Variants in CFDP1 observed in about 807,000 individuals in gnomAD.
CFDP1 encodes chromatin remodeling protein CFDP1.
A neutral mutation model predicts 40.1 loss-of-function variants in CFDP1; 31 were observed. The ratio of observed to expected loss-of-function variants is 0.77; its 90% CI spans 0.58 to 1.04. CFDP1 has a LOEUF of 1.04. CFDP1 is among the 50% of genes least tolerant of loss of function. The pLI is 0.00. For synonymous variants in CFDP1, 167 were observed against 120.0 expected, an observed-to-expected ratio of 1.39 and a Z score of -2.56; for missense variants, 423 against 343.4, an observed-to-expected ratio of 1.23 and a Z score of -1.83.
At chr16:75,314,332 C>T (rs894619462) in intron 5 of CFDP1, among the ~76,000 whole-genome samples, 17 of 152,060 alleles carry the variant, frequency 1.1e-4, no homozygotes, top group South Asian at 4.2e-4. Flanking sequence ...ATGGATGGAC[C>T]GTGAAAACAT....
At chr16:75,312,072 G>A (rs1290616136) in intron 5 of CFDP1, among the ~76,000 whole-genome samples, 1 of 152,058 alleles carries the variant, frequency 6.6e-6, no homozygotes, top group Admixed American at 6.6e-5. Context: ...CATTTTCTCT[G>A]GAGTTAGCTA....
At chr16:75,390,591 T>C (rs956144952) in intron 5 of CFDP1, among the ~76,000 whole-genome samples, 2 of 152,242 alleles carry the variant, frequency 1.3e-5, no homozygotes, top group African/African-American at 4.8e-5. Context: ...TGAGACCCAC[T>C]GCAATAGTTT....
intron 5 of CFDP1, among the ~76,000 whole-genome samples, chr16:75,313,205 A>G (rs959770812): frequency 1.3e-5 from 2 of 152,252 alleles, no homozygotes; most frequent in African/African-American, 4.8e-5. Flanking sequence ...AGGAAAGTGC[A>G]GATCCTCTTC....
intron 1 of CFDP1, among the ~76,000 whole-genome samples, chr16:75,429,580 G>A (rs929243288): frequency 6.6e-6 from 1 of 152,188 alleles, no homozygotes; most frequent in South Asian, 2.1e-4. Flanking sequence ...TCAAACCCGG[G>A]AGGTGGAGGT....
At chr16:75,366,164 T>G (rs1230405040) in intron 5 of CFDP1, among the ~76,000 whole-genome samples, 1 of 152,204 alleles carries the variant, frequency 6.6e-6, no homozygotes, top group Non-Finnish European at 1.5e-5. Context: ...ATAAGTATAA[T>G]GTGGTATAGC....
At chr16:75,387,695 T>A (rs2078911218) in intron 5 of CFDP1, among the ~76,000 whole-genome samples, 1 of 152,236 alleles carries the variant, frequency 6.6e-6, no homozygotes, top group Non-Finnish European at 1.5e-5. Context: ...AATGTAGGAT[T>A]CATACCTCAG....
chr16:75,367,406 C>T (rs1369662960), intron 5 of CFDP1, among the ~76,000 whole-genome samples: 1 of 138,982 alleles, frequency 7.2e-6, no homozygotes, highest in East Asian at 2.1e-4. Flanking sequence ...CAAACCTGCA[C>T]ATTCTGCACA....
rs1215346926 is a variant in CFDP1 at position 75,410,913 on chromosome 16, A to G, written c.530+912T>C. 1.1e-3 allele frequency among the ~76,000 whole-genome samples: 168 copies of G among 149,154 alleles called. 1 individual carries two copies. Among genetic ancestry groups the G allele is most frequent in the Non-Finnish European group, 2.2e-3 (145 of 67,254 alleles). ...GACAGAGCAAGACTCTGTCTCAAAAAAAAAAAAAAAAAAGAAAAAAAAAGG... is the reference window on the plus strand; with the variant it reads ...GACAGAGCAAGACTCTGTCTCAAAAGAAAAAAAAAAAAAGAAAAAAAAAGG... On this transcript the variant is annotated intron_variant, in intron 4 of 6. Transcript: ENST00000283882.
At chr16:75,337,050 C>A (rs752229234) in intron 5 of CFDP1, among the ~76,000 whole-genome samples, 2 of 152,120 alleles carry the variant, frequency 1.3e-5, no homozygotes, top group Non-Finnish European at 1.5e-5. Flanking sequence ...TTGTTTATGG[C>A]GGTCTCTGCC....
intron 5 of CFDP1, among the ~76,000 whole-genome samples, chr16:75,358,045 C>G (rs9924524): frequency 0.18 from 28,057 of 152,108 alleles, 2,776 homozygotes; most frequent in Middle Eastern, 0.23. Context: ...ACAATATTTA[C>G]CAAATAAGTT....
intron 5 of CFDP1, among the ~76,000 whole-genome samples, chr16:75,393,305 T>C (rs1388287874): frequency 6.6e-6 from 1 of 152,134 alleles, no homozygotes; most frequent in East Asian, 1.9e-4. Context: ...TGGGGCTTCC[T>C]GGAATCACCT....
intron 5 of CFDP1, chr16:75,381,283 G>T (rs2078849758): frequency 6.6e-6 from 1 of 152,052 alleles, no homozygotes; most frequent in South Asian, 2.1e-4. Flanking sequence ...GGGTAACAAA[G>T]TGAGACCCTG....
At chr16:75,305,207 G>GT in intron 5 of CFDP1, 25 bp from the exon 6 acceptor site, 1 of 1,610,742 alleles carries the variant, frequency 6.2e-7, no homozygotes, top group Non-Finnish European at 8.5e-7. Context: ...TATGAAAGAT[G>GT]TAGCAGGTAA....
intron 1 of CFDP1, among the ~76,000 whole-genome samples, chr16:75,425,857 G>A (rs1466905263): frequency 6.6e-6 from 1 of 150,834 alleles, no homozygotes; most frequent in Admixed American, 6.6e-5. Flanking sequence ...CCAACATGGT[G>A]AAACCCCATC....
intron 1 of CFDP1, among the ~76,000 whole-genome samples, chr16:75,426,347 T>C (rs1329638872): frequency 6.6e-6 from 1 of 151,742 alleles, no homozygotes; most frequent in Non-Finnish European, 1.5e-5. Flanking sequence ...CGAAACTCTA[T>C]CTCAAAAAAA....
chr16:75,376,001 C>G (rs2078792339), intron 5 of CFDP1, among the ~76,000 whole-genome samples: 1 of 152,022 alleles, frequency 6.6e-6, no homozygotes, highest in Non-Finnish European at 1.5e-5. Context: ...CTGCTTGAGC[C>G]TAGGAGTTTG....
chr16:75,362,351 G>A (rs1055173236), intron 5 of CFDP1, among the ~76,000 whole-genome samples: 1 of 152,176 alleles, frequency 6.6e-6, no homozygotes, highest in South Asian at 2.1e-4. Context: ...TGAAAGGCAA[G>A]GGGGGTCAAG....
intron 4 of CFDP1, among the ~76,000 whole-genome samples, chr16:75,410,371 G>C (rs887761819): frequency 2.0e-5 from 3 of 152,100 alleles, no homozygotes; most frequent in Non-Finnish European, 4.4e-5. Context: ...CAGGGATGTG[G>C]CTCTTACCTA....
chr16:75,327,140 G>A (rs1428633436), intron 5 of CFDP1, among the ~76,000 whole-genome samples: 2 of 152,216 alleles, frequency 1.3e-5, no homozygotes, highest in South Asian at 2.1e-4. Context: ...GGTGGCGGAC[G>A]CCTGTAGTTC....
Sources: gnomAD v4.1 joint callset for allele counts (sites outside exome capture counted in the v4.1 genomes callset) on GRCh38, gnomAD v4.1.1 for gene constraint, MANE v1.5 for transcripts, NCBI Gene and HGNC (gene_info 2026-07-23, HGNC 2026-07-21) for gene names.